The following ARHGAP42 variants were observed in gnomAD, a reference collection of about 807,000 sequenced individuals.
ARHGAP42 encodes Rho GTPase activating protein 42, also known as rho GTPase-activating protein 42.
In ARHGAP42, 63 loss-of-function variants were observed where a neutral mutation model predicts 125.0. The observed-to-expected ratio is 0.50, with a 90% CI of 0.41 to 0.62. The LOEUF (loss-of-function observed/expected upper bound fraction) is 0.62, where lower values mean the gene tolerates loss of function less well. ARHGAP42 is among the 20% of genes least tolerant of loss of function. The probability of loss-of-function intolerance (pLI) is 0.00; values close to 1 mark genes in which losing one functional copy is unlikely to be tolerated. For synonymous variants in ARHGAP42, 339 were observed against 351.0 expected, an observed-to-expected ratio of 0.97 and a Z score of 0.38; for missense variants, 766 against 1,024.2, an observed-to-expected ratio of 0.75 and a Z score of 3.44.
chr11:100,706,859 C>A (rs558478121), intron 1 of ARHGAP42, among the ~76,000 whole-genome samples: 1 of 152,240 alleles, frequency 6.6e-6, no homozygotes, highest in Admixed American at 6.5e-5. Flanking sequence ...TAGAATATTT[C>A]TATCACCCCC....
intron 1 of ARHGAP42, among the ~76,000 whole-genome samples, chr11:100,766,313 A>G (rs1304662343): frequency 4.6e-5 from 7 of 152,056 alleles, no homozygotes; most frequent in Non-Finnish European, 1.0e-4. Flanking sequence ...TTGGGTAGTA[A>G]TAGGGAGAGA....
In ARHGAP42 at chr11:100,993,651, G is replaced by A. The variant is rs999457558; in HGVS notation, c.*4850G>A. The A allele has an allele frequency of 6.0e-6, 1 of 167,020 alleles. No homozygotes were observed. Among genetic ancestry groups the A allele is most frequent in the African/African-American group, 2.4e-5 (1 of 41,442 alleles). The allele number at this position is 167,020 out of a possible 1,614,324, so 10.3% of individuals were successfully genotyped here. ...TTGAGGTACTGTAGTTTATATAAAA[G>A]TCGGATGTTAAGATATTATATTTCA... On this transcript the variant is annotated 3_prime_UTR_variant, in exon 24 of 24. Transcript: ENST00000298815.
intron 4 of ARHGAP42, among the ~76,000 whole-genome samples, chr11:100,903,052 A>G (rs1866596113): frequency 6.7e-6 from 1 of 149,916 alleles, no homozygotes; most frequent in South Asian, 2.1e-4. Flanking sequence ...AGCTGAGGCC[A>G]CTTGTATTTA....
chr11:100,774,671 G>A (rs773574003), intron 2 of ARHGAP42, among the ~76,000 whole-genome samples: 5 of 152,182 alleles, frequency 3.3e-5, no homozygotes, highest in Admixed American at 6.5e-5. Context: ...CTTTCATTGC[G>A]CTTACAGTGG....
At chr11:100,717,408 C>T (rs1034094734) in intron 1 of ARHGAP42, among the ~76,000 whole-genome samples, 6 of 151,870 alleles carry the variant, frequency 4.0e-5, no homozygotes, top group African/African-American at 9.7e-5. Flanking sequence ...GAGGCCGAGG[C>T]GGGCGGATCA....
chr11:100,805,087 A>G (rs1308560786), intron 3 of ARHGAP42, among the ~76,000 whole-genome samples: 1 of 152,212 alleles, frequency 6.6e-6, no homozygotes, highest in African/African-American at 2.4e-5. Context: ...AACTAATTTA[A>G]TATGAACAGC....
rs779137957 is a variant in ARHGAP42, at chr11:100,858,086, G to GGGGTGT, written c.313-1467_313-1466insGGTGTG. On this transcript the variant is annotated intron_variant, in intron 3 of 23. Transcript: ENST00000298815. ...GTCGCATCTGTACAATCTGGATAGG[G>GGGGTGT]GTGTGTGTGTGTGTGTGTGTGTGTG... 2.2e-4 allele frequency among the ~76,000 whole-genome samples: 24 copies of GGGGTGT among 109,018 alleles called. 1 individual carries two copies. The South Asian group carries it at 5.1e-3, about 23-fold the overall frequency. The allele number at this position is 109,018 out of a possible 152,430, so 71.5% of individuals were successfully genotyped here. A position where few individuals can be genotyped will look rare whatever the true frequency, so the allele number is the denominator to read the frequency against.
intron 1 of ARHGAP42, among the ~76,000 whole-genome samples, chr11:100,695,848 A>G (rs1367425061): frequency 6.6e-6 from 1 of 152,208 alleles, no homozygotes; most frequent in Non-Finnish European, 1.5e-5. Flanking sequence ...AAGAGAGGAA[A>G]AATAAGCCTG....
At chr11:100,834,945 T>C (rs960707019) in intron 3 of ARHGAP42, among the ~76,000 whole-genome samples, 2 of 151,960 alleles carry the variant, frequency 1.3e-5, no homozygotes, top group African/African-American at 4.8e-5. Flanking sequence ...ATTGAATTTT[T>C]AATTTTCTAA....
chr11:100,737,502 G>A (rs1365932853), intron 1 of ARHGAP42, among the ~76,000 whole-genome samples: 2 of 152,112 alleles, frequency 1.3e-5, no homozygotes, highest in Non-Finnish European at 2.9e-5. Flanking sequence ...TCTAACTCTA[G>A]CTATCCTTTA....
rs1049257915 is a variant in ARHGAP42 at position 100,993,401 on chromosome 11, C to A, written c.*4600C>A. On this transcript the variant is annotated 3_prime_UTR_variant, in exon 24 of 24. Coordinates refer to ENST00000298815, the MANE Select transcript of ARHGAP42 (RefSeq NM_152432.4). ...TTGAGGCTTTATATCTGCCCGTGTACCCTCAACTGCCTCCTTTTTGCAGAG... is the reference window on the plus strand; with the variant it reads ...TTGAGGCTTTATATCTGCCCGTGTAACCTCAACTGCCTCCTTTTTGCAGAG... 1 of 166,846 alleles carries A rather than the reference C, an allele frequency of 6.0e-6. No individual in the cohort carries two copies. Among genetic ancestry groups the A allele is most frequent in the Non-Finnish European group, 1.5e-5 (1 of 68,088 alleles). The allele number at this position is 166,846 out of a possible 1,614,324, so 10.3% of individuals were successfully genotyped here.
chr11:100,900,850 G>C (rs1565266507), intron 4 of ARHGAP42, among the ~76,000 whole-genome samples: 2 of 152,072 alleles, frequency 1.3e-5, no homozygotes, highest in South Asian at 4.1e-4. Flanking sequence ...CTTTAGCTCA[G>C]AGAAGTTCGT....
At chr11:100,922,785 C>A (rs896134276) in intron 6 of ARHGAP42, among the ~76,000 whole-genome samples, 1 of 152,144 alleles carries the variant, frequency 6.6e-6, no homozygotes, top group Non-Finnish European at 1.5e-5. Context: ...TTATCAGGCC[C>A]AACCTGGCTT....
At chr11:100,789,463 G>T (rs1488599424) in intron 2 of ARHGAP42, among the ~76,000 whole-genome samples, 1 of 152,184 alleles carries the variant, frequency 6.6e-6, no homozygotes, top group Non-Finnish European at 1.5e-5. Context: ...GTTTTGATAT[G>T]GCTTTACTCT....
At chr11:100,753,623 G>T (rs1478865990) in intron 1 of ARHGAP42, among the ~76,000 whole-genome samples, 1 of 152,226 alleles carries the variant, frequency 6.6e-6, no homozygotes, top group Non-Finnish European at 1.5e-5. Flanking sequence ...ATTTCTGTGA[G>T]GTCCCCTGTC....
rs553443242 is a variant in ARHGAP42, at chr11:100,890,875, G to A, written c.385-22577G>A. Among the ~76,000 whole-genome samples, 92 of 152,236 alleles carry A rather than the reference G, an allele frequency of 6.0e-4. No individual in the cohort carries two copies. The South Asian group carries it at 0.018, about 29-fold the overall frequency. The stretch of plus-strand genomic sequence containing the variant: ...ATCGTGTTTAGAGTGCCATGGGGGA[G>A]GGTTCTGTGTGTTTTGAGAGAACTC... On this transcript the variant is annotated intron_variant, in intron 4 of 23. Transcript: ENST00000298815.
rs540477691 is a variant in ARHGAP42, at chr11:100,765,899, G to T, written c.155-4444G>T. Among the ~76,000 whole-genome samples the T allele has an allele frequency of 4.6e-5, 7 of 152,230 alleles. No homozygotes were observed. In the South Asian group the frequency reaches 6.2e-4, roughly 14 times the overall value. On this transcript the variant is annotated intron_variant, in intron 1 of 23. Coordinates refer to ENST00000298815, the MANE Select transcript of ARHGAP42 (RefSeq NM_152432.4). ...ACTTGTTCTGACATAAATATATATA[G>T]CCCACTTCCATAACTAACATTGTAA...
intron 4 of ARHGAP42, among the ~76,000 whole-genome samples, chr11:100,882,055 C>T (rs1195554347): frequency 2.6e-5 from 4 of 152,166 alleles, no homozygotes; most frequent in African/African-American, 9.7e-5. Flanking sequence ...TGTTTGACCT[C>T]CTCTTTACTA....
intron 3 of ARHGAP42, among the ~76,000 whole-genome samples, chr11:100,807,841 T>C (rs1864035762): frequency 6.6e-6 from 1 of 152,248 alleles, no homozygotes; most frequent in East Asian, 1.9e-4. Context: ...ATCTTTGCAC[T>C]TTTGGAAATA....
Sources: allele counts gnomAD v4.1 joint callset (sites outside exome capture counted in the v4.1 genomes callset), GRCh38; gene constraint gnomAD v4.1.1; transcripts MANE v1.5; gene names NCBI Gene and HGNC (gene_info 2026-07-23, HGNC 2026-07-21).